CSTA: variants seen among roughly 807,000 people sequenced by gnomAD.
CSTA encodes the protein cystatin A.
Under a neutral mutation model 9.2 loss-of-function variants are expected in CSTA, and 9 were observed. The observed-to-expected ratio is 0.97, with a 90% confidence interval of 0.59 to 1.70. The LOEUF (loss-of-function observed/expected upper bound fraction) is 1.70. CSTA is among the 40% of genes most tolerant of loss of function. CSTA has a pLI of 0.00. For synonymous variants in CSTA, 36 were observed against 40.6 expected (o/e 0.89, Z 0.43); for missense variants, 118 against 113.1 (o/e 1.04, Z -0.20).
intron 1 of CSTA, among the ~76,000 whole-genome samples, chr3:122,330,540 G>A (rs761117581): frequency 6.6e-6 from 1 of 152,228 alleles, no homozygotes; most frequent in Non-Finnish European, 1.5e-5. Flanking sequence ...GAATGTTTTT[G>A]AAGGCAGGAG....
At chr3:122,332,550 C>T (rs2075210748) in intron 1 of CSTA, among the ~76,000 whole-genome samples, 1 of 152,196 alleles carries the variant, frequency 6.6e-6, no homozygotes, top group East Asian at 1.9e-4. Context: ...GGGGAAAAGC[C>T]TGAGTGTTGG....
chr3:122,337,856 A>C (rs2075244324), intron 2 of CSTA: 1 of 569,182 alleles, frequency 1.8e-6, no homozygotes, highest in African/African-American at 1.9e-5. Flanking sequence ...GTTTTATTAC[A>C]TTGATTCTTG....
chr3:122,326,930 G>T (rs537663101), intron 1 of CSTA, among the ~76,000 whole-genome samples: 41 of 152,306 alleles, frequency 2.7e-4, no homozygotes, highest in African/African-American at 9.1e-4. Context: ...AGGCCAGTGG[G>T]AGATGGGGCT....
chr3:122,337,852 T>C, intron 2 of CSTA: 1 of 577,912 alleles, frequency 1.7e-6, no homozygotes, highest in Non-Finnish European at 3.2e-6. Flanking sequence ...GAAAGTTTTA[T>C]TACATTGATT....
intron 1 of CSTA, among the ~76,000 whole-genome samples, chr3:122,334,517 AT>A (rs1199065141): frequency 1.3e-5 from 2 of 152,110 alleles, no homozygotes; most frequent in Admixed American, 1.3e-4. Context: ...CTGCCCACTG[AT>A]AGGAAGGACT....
intron 2 of CSTA, among the ~76,000 whole-genome samples, chr3:122,340,036 A>G (rs1013792569): frequency 6.6e-6 from 1 of 152,198 alleles, no homozygotes; most frequent in Non-Finnish European, 1.5e-5. Flanking sequence ...GGCCTATAAT[A>G]TAGGTTAATA....
In CSTA at chr3:122,341,702, T is replaced by A; in HGVS notation, c.*135T>A. 1 of 1,159,068 alleles carries A rather than the reference T, an allele frequency of 8.6e-7. No homozygotes were observed. Among genetic ancestry groups the A allele is most frequent in the African/African-American group, 1.5e-5 (1 of 64,562 alleles). 71.8% of individuals were successfully genotyped at this position (1,159,068 alleles called of 1,614,324 possible). A position where few individuals can be genotyped will look rare whatever the true frequency, so the allele number is the denominator to read the frequency against. ...CTTCAATTATTTCTCATTTATTGTA[T>A]TAAGCAGAAATTACCTTTTCTTTCT... is the stretch of plus-strand genomic sequence containing the variant. On this transcript the variant is annotated 3_prime_UTR_variant, in exon 3 of 3. Transcript: ENST00000264474.
At chr3:122,339,991 C>T (rs1452757960) in intron 2 of CSTA, among the ~76,000 whole-genome samples, 4 of 152,192 alleles carry the variant, frequency 2.6e-5, no homozygotes, top group African/African-American at 7.2e-5. Context: ...TCTGCTTCCA[C>T]GTCTGTAAAA....
intron 1 of CSTA, among the ~76,000 whole-genome samples, chr3:122,335,581 C>T (rs2075231851): frequency 6.6e-6 from 1 of 152,032 alleles, no homozygotes; most frequent in Non-Finnish European, 1.5e-5. Context: ...AAGGGAAAAG[C>T]TAAATGAGTC....
chr3:122,341,848 A>C lies in CSTA; in HGVS notation c.*281A>C. On this transcript the variant is annotated 3_prime_UTR_variant, in exon 3 of 3. Coordinates refer to ENST00000264474, the MANE Select transcript of CSTA (RefSeq NM_005213.4). The stretch of plus-strand genomic sequence containing the variant: ...AAAGGATAGTACCACCCTCACCCCC[A>C]CCATAGGCAGGCTGGATCGTGGACT... 2.6e-6 allele frequency: 1 copy of C among 391,690 alleles called. No individual in the cohort carries two copies. Among genetic ancestry groups the C allele is most frequent in the Non-Finnish European group, 4.8e-6 (1 of 209,222 alleles). 24.3% of individuals were successfully genotyped at this position (391,690 alleles called of 1,614,324 possible).
chr3:122,338,374 A>C (rs1001466111), intron 2 of CSTA: 1 of 152,194 alleles, frequency 6.6e-6, no homozygotes, highest in Non-Finnish European at 1.5e-5. Flanking sequence ...TTTTAAAAAT[A>C]AAAACAAATA....
chr3:122,333,688 AAG>A (rs1331045831), intron 1 of CSTA, among the ~76,000 whole-genome samples: 21 of 141,884 alleles, frequency 1.5e-4, no homozygotes, highest in African/African-American at 3.0e-4. Flanking sequence ...AGAAGAAAGA[AAG>A]AGAGAGAGAA....
At chr3:122,334,868 G>A (rs6438722) in intron 1 of CSTA, among the ~76,000 whole-genome samples, 76,498 of 151,976 alleles carry the variant, frequency 0.5, 20,088 homozygotes, top group Non-Finnish European at 0.58. Flanking sequence ...TCACACTGCA[G>A]AACGTCACAA....
rs55707796 is a variant in CSTA, at chr3:122,335,958, T to TAC, written c.67-1552_67-1551dup. 6.1e-3 allele frequency among the ~76,000 whole-genome samples: 905 copies of TAC among 147,644 alleles called. 3 individuals carry two copies. The highest frequency in any genetic ancestry group is 0.01 in the African/African-American group (404 of 39,554). ...TGGTATTTGATTTTAATCAGAGGAA[T>TAC]ACACACACACACACACACACACACA... On this transcript the variant is annotated intron_variant, in intron 1 of 2. Transcript: ENST00000264474.
intron 1 of CSTA, among the ~76,000 whole-genome samples, chr3:122,327,780 C>G (rs1422638137): frequency 6.6e-6 from 1 of 151,918 alleles, no homozygotes; most frequent in Non-Finnish European, 1.5e-5. Context: ...CTCTAAGGAA[C>G]AGAGCTGTAG....
chr3:122,338,939 CCTCT>C (rs1229674929), intron 2 of CSTA, among the ~76,000 whole-genome samples: 1 of 151,606 alleles, frequency 6.6e-6, no homozygotes, highest in Non-Finnish European at 1.5e-5. Context: ...TAATCAGTCT[CCTCT>C]CTCTCTCTCA....
In CSTA at chr3:122,339,562, G is replaced by A. The variant is rs184195805; in HGVS notation, c.169-1877G>A. On this transcript the variant is annotated intron_variant, in intron 2 of 2. Coordinates refer to ENST00000264474, the MANE Select transcript of CSTA (RefSeq NM_005213.4). ...AAGCACAAAATAAGAGCTTTTACAA[G>A]GTTACACTGGCCTGGTGTGGTGGCT... is the stretch of plus-strand genomic sequence containing the variant. 2.8e-3 allele frequency among the ~76,000 whole-genome samples: 424 copies of A among 152,296 alleles called. 1 individual carries two copies. The highest frequency in any genetic ancestry group is 9.3e-3 in the African/African-American group (388 of 41,554).
chr3:122,327,062 A>G lies in CSTA; in HGVS notation c.66+1704A>G, dbSNP rs190750582. Among the ~76,000 whole-genome samples, 15 of 151,694 alleles carry G rather than the reference A, an allele frequency of 9.9e-5. 1 individual carries two copies. The East Asian group carries it at 2.1e-3, about 22-fold the overall frequency. ...AGACCAGCCTGGCCAACATGGTGAA[A>G]CCCCATCTCTACTAAAAATACAAAA... is the stretch of plus-strand genomic sequence containing the variant. On this transcript the variant is annotated intron_variant, in intron 1 of 2. Coordinates refer to ENST00000264474, the MANE Select transcript of CSTA (RefSeq NM_005213.4).
At chr3:122,329,156 C>CG (rs1372039682) in intron 1 of CSTA, among the ~76,000 whole-genome samples, 2 of 151,384 alleles carry the variant, frequency 1.3e-5, no homozygotes, top group Non-Finnish European at 2.9e-5. Context: ...TTAGTAGAGA[C>CG]GGGGTTTCAC....
Sources: gnomAD v4.1 joint callset for allele counts (sites outside exome capture counted in the v4.1 genomes callset) on GRCh38, gnomAD v4.1.1 for gene constraint, MANE v1.5 for transcripts, NCBI Gene and HGNC (gene_info 2026-07-23, HGNC 2026-07-21) for gene names.